PEMT: variants seen among roughly 807,000 people sequenced by gnomAD.
PEMT encodes phosphatidylethanolamine N-methyltransferase.
In PEMT, 23 loss-of-function variants were observed where a neutral mutation model predicts 27.4. The ratio of observed to expected loss-of-function variants is 0.84; its 90% CI spans 0.60 to 1.19. The LOEUF (loss-of-function observed/expected upper bound fraction) is 1.19, where lower values mean the gene tolerates loss of function less well. PEMT is among the 50% of genes most tolerant of loss of function. PEMT has a pLI of 0.00. For missense variants in PEMT, 307 were observed against 310.1 expected, an observed-to-expected ratio of 0.99 and a Z score of 0.07; for synonymous variants, 137 against 139.1, an observed-to-expected ratio of 0.98 and a Z score of 0.11.
At chr17:17,541,350 T>C (rs1283253412) in intron 2 of PEMT, among the ~76,000 whole-genome samples, 2 of 152,208 alleles carry the variant, frequency 1.3e-5, no homozygotes, top group Non-Finnish European at 2.9e-5. Flanking sequence ...CCTCCAGCTC[T>C]ACACATTCCT....
chr17:17,592,141 CTG>C, upstream of PEMT: 1 of 982,696 alleles, frequency 1.0e-6, no homozygotes, highest in Non-Finnish European at 1.2e-6. Context: ...TCGCTTTACT[CTG>C]GGGGCGGTGC....
In PEMT at chr17:17,505,697, G is replaced by A; in HGVS notation, c.*94C>T. On this transcript the variant is annotated 3_prime_UTR_variant, in exon 7 of 7. Coordinates refer to ENST00000255389, the MANE Select transcript of PEMT (RefSeq NM_148172.3). ...GCAGCCCACGCCGGGGGCGAGCCCT[G>A]AGCAGCAGGCACCATTCTCGCCCTG... The A allele has an allele frequency of 7.2e-7, 1 of 1,398,542 alleles. No homozygotes were observed. Among genetic ancestry groups the A allele is most frequent in the Non-Finnish European group, 9.4e-7 (1 of 1,060,166 alleles). The allele number at this position is 1,398,542 out of a possible 1,614,324, so 86.6% of individuals were successfully genotyped here. A position where few individuals can be genotyped will look rare whatever the true frequency, so the allele number is the denominator to read the frequency against.
chr17:17,576,827 G>A, intron 2 of PEMT, 93 bp downstream of exon 2: 1 of 996,004 alleles, frequency 1.0e-6, no homozygotes, highest in Non-Finnish European at 1.6e-6. Context: ...TGTCTGTCTG[G>A]CCAGCCAGCA....
chr17:17,578,224 C>T (rs1229326356), intron 1 of PEMT, among the ~76,000 whole-genome samples: 1 of 150,750 alleles, frequency 6.6e-6, no homozygotes, highest in Non-Finnish European at 1.5e-5. Flanking sequence ...GGCTGGAATG[C>T]AGTGGCGCGT....
At chr17:17,534,717 C>T (rs9892560) in intron 2 of PEMT, among the ~76,000 whole-genome samples, 96,257 of 151,892 alleles carry the variant, frequency 0.63, 31,509 homozygotes, top group African/African-American at 0.8. Context: ...ATGCCTGTAG[C>T]CCCAGCTACT....
rs570032641 is a variant in PEMT at position 17,561,518 on chromosome 17, G to C, written c.204+15402C>G. Among the ~76,000 whole-genome samples the C allele has an allele frequency of 9.5e-4, 145 of 152,316 alleles. No homozygotes were observed. Among genetic ancestry groups the C allele is most frequent in the Middle Eastern group, 3.4e-3 (1 of 294 alleles). ...GAGGGGGAAGCGGACGGTAAGGCTG[G>C]AGGTAGGAAGAGGGAACAGACGAGG... On this transcript the variant is annotated intron_variant, in intron 2 of 6. Coordinates refer to ENST00000255389, the MANE Select transcript of PEMT (RefSeq NM_148172.3). This position sits in a 1 kb window ranked among gnomAD's most constrained non-coding sequence, Gnocchi z 4.5.
intron 2 of PEMT, among the ~76,000 whole-genome samples, chr17:17,553,508 C>T (rs1018949006): frequency 2.0e-5 from 3 of 152,200 alleles, no homozygotes; most frequent in Non-Finnish European, 2.9e-5. Context: ...AGAATGACCC[C>T]TCACATGAAA....
intron 2 of PEMT, among the ~76,000 whole-genome samples, chr17:17,533,440 T>G (rs777376729): frequency 6.6e-6 from 1 of 152,246 alleles, no homozygotes; most frequent in Admixed American, 6.5e-5. Flanking sequence ...GTTTCTCAGA[T>G]GCAACACCAA....
intron 2 of PEMT, among the ~76,000 whole-genome samples, chr17:17,543,109 G>T (rs989317248): frequency 2.0e-5 from 3 of 152,192 alleles, no homozygotes; most frequent in Non-Finnish European, 2.9e-5. Flanking sequence ...GCCCTGGCCC[G>T]GGCCACTCGG....
intron 2 of PEMT, among the ~76,000 whole-genome samples, chr17:17,568,669 G>A (rs1183779601): frequency 1.3e-5 from 2 of 152,174 alleles, no homozygotes; most frequent in African/African-American, 2.4e-5. Context: ...GGATCCCTTG[G>A]GGCACTCAGA....
intron 5 of PEMT, chr17:17,508,917 G>A (rs908301514): frequency 3.6e-5 from 12 of 334,038 alleles, no homozygotes; most frequent in Non-Finnish European, 6.1e-5. Context: ...CCCTCCTGCG[G>A]GGAAGATGGG....
chr17:17,574,081 G>A (rs1021049199), intron 2 of PEMT, among the ~76,000 whole-genome samples: 4 of 151,794 alleles, frequency 2.6e-5, no homozygotes, highest in South Asian at 2.1e-4. Flanking sequence ...TCCAGATGCC[G>A]TCCGGATACT....
At chr17:17,522,196 C>A (rs951128516) in intron 3 of PEMT, 84 bp downstream of exon 3, 2 of 965,354 alleles carry the variant, frequency 2.1e-6, no homozygotes, top group African/African-American at 3.2e-5. Flanking sequence ...AAGGCTCCCG[C>A]GTGGTGAGGG....
chr17:17,591,848 G>C (rs1286049710), upstream of PEMT: 2 of 1,374,810 alleles, frequency 1.5e-6, no homozygotes, highest in Non-Finnish European at 1.9e-6. Flanking sequence ...ACAAGTCCCA[G>C]TGTGTTTCGC....
chr17:17,571,755 CTG>C (rs1911219950), intron 2 of PEMT, among the ~76,000 whole-genome samples: 1 of 150,780 alleles, frequency 6.6e-6, no homozygotes, highest in African/African-American at 2.4e-5. Context: ...GCCACCCAAA[CTG>C]GAGTTCAGTG....
chr17:17,517,155 C>CATA (rs1567671669), intron 3 of PEMT, among the ~76,000 whole-genome samples: 1 of 152,220 alleles, frequency 6.6e-6, no homozygotes. Context: ...GGTGAGCTCA[C>CATA]ACCCAGCAGG....
intron 4 of PEMT, among the ~76,000 whole-genome samples, chr17:17,510,819 C>T (rs142798690): frequency 3.5e-4 from 53 of 152,302 alleles, no homozygotes; most frequent in South Asian, 1.2e-3. Context: ...GCTCTCCTTA[C>T]GCTGCCTCTG....
intron 2 of PEMT, among the ~76,000 whole-genome samples, chr17:17,545,100 C>CCACATCACA (rs1431873341): frequency 6.6e-6 from 1 of 152,216 alleles, no homozygotes; most frequent in Non-Finnish European, 1.5e-5. Flanking sequence ...CCTCAGGGTC[C>CCACATCACA]TTGCCGGGCC....
intron 2 of PEMT, among the ~76,000 whole-genome samples, chr17:17,552,375 G>C (rs1909718630): frequency 6.6e-6 from 1 of 152,318 alleles, no homozygotes; most frequent in East Asian, 1.9e-4. Context: ...TCCTCCCGAG[G>C]GTCCTGGGTA....
Sources: allele counts gnomAD v4.1 joint callset (sites outside exome capture counted in the v4.1 genomes callset), GRCh38; gene constraint gnomAD v4.1.1; non-coding constraint Gnocchi (gnomAD v3.1); transcripts MANE v1.5; gene names NCBI Gene and HGNC (gene_info 2026-07-23, HGNC 2026-07-21).